The following SPON1 variants were observed in gnomAD, a reference collection of about 807,000 sequenced individuals.
The protein encoded by SPON1 is spondin-1.
A neutral mutation model predicts 111.7 loss-of-function variants in SPON1; 52 were observed. The ratio of observed to expected loss-of-function variants is 0.47; its 90% CI spans 0.37 to 0.59. SPON1 has a LOEUF of 0.59. SPON1 is among the 20% of genes least tolerant of loss of function. SPON1 has a pLI of 0.00. For missense variants in SPON1, 957 were observed against 1,068.5 expected (o/e 0.90, Z 1.46); for synonymous variants, 410 against 395.8 (o/e 1.04, Z -0.43).
intron 6 of SPON1, among the ~76,000 whole-genome samples, chr11:14,168,519 A>G (rs1424371326): frequency 6.6e-6 from 1 of 151,968 alleles, no homozygotes; most frequent in Non-Finnish European, 1.5e-5. Context: ...TATTTTTATT[A>G]TACTTTAAGT....
rs782251023 is a variant in SPON1, at chr11:14,255,727, C to T, written c.1173C>T (p.Asp391=). The T allele has an allele frequency of 1.1e-5, 17 of 1,613,784 alleles. No homozygotes were observed. In the Admixed American group the frequency reaches 2.7e-4, roughly 25 times the overall value. ...ACCATCCTCAGAGTCCTTTCTATGA[C>T]CCAGAGGGTGGGTCCATCACTCAAG... ...SLDHPQSPFY[D]PEGGSITQVA... The change falls in exon 9 of 16, where the codon GAC becomes GAT. Residue 391 remains aspartate (D), a synonymous_variant. Coordinates refer to ENST00000576479, the MANE Select transcript of SPON1 (RefSeq NM_006108.4).
chr11:14,000,737 C>T (rs190122379), intron 2 of SPON1, among the ~76,000 whole-genome samples: 3 of 152,230 alleles, frequency 2.0e-5, no homozygotes, highest in Admixed American at 1.3e-4. Context: ...CATGCACAGC[C>T]ACACACCCCC....
intron 3 of SPON1, among the ~76,000 whole-genome samples, chr11:14,055,788 C>T (rs1162644160): frequency 1.3e-5 from 2 of 152,102 alleles, no homozygotes; most frequent in Admixed American, 1.3e-4. Context: ...TGGGGAGTGC[C>T]CCAAAGTCCT....
At chr11:14,202,890 T>C (rs907142075) in intron 6 of SPON1, among the ~76,000 whole-genome samples, 2 of 152,190 alleles carry the variant, frequency 1.3e-5, no homozygotes, top group Admixed American at 6.5e-5. Flanking sequence ...CCCTGTTCTT[T>C]ACAGATTCAT....
At chr11:13,987,053 A>T (rs1312557969) in intron 2 of SPON1, among the ~76,000 whole-genome samples, 2 of 152,240 alleles carry the variant, frequency 1.3e-5, no homozygotes, top group Non-Finnish European at 2.9e-5. Context: ...TAGTATAATG[A>T]TTTATAATCC....
At chr11:14,116,112 G>T (rs1437158192) in intron 5 of SPON1, among the ~76,000 whole-genome samples, 5 of 151,982 alleles carry the variant, frequency 3.3e-5, no homozygotes, top group Non-Finnish European at 7.4e-5. Flanking sequence ...TTATTGACTT[G>T]TAGTAATTCT....
At chr11:14,035,611 GTTC>G (rs782197368) in intron 2 of SPON1, among the ~76,000 whole-genome samples, 1 of 134,536 alleles carries the variant, frequency 7.4e-6, no homozygotes, top group Non-Finnish European at 1.6e-5. Context: ...AGTACACTTA[GTTC>G]TTTTTTTTTT....
intron 5 of SPON1, among the ~76,000 whole-genome samples, chr11:14,100,401 CCTT>C (rs139438288): frequency 0.16 from 23,833 of 151,542 alleles, 1,955 homozygotes; most frequent in Middle Eastern, 0.21. Context: ...TTTTTAGACA[CCTT>C]CTTTTCTTTC....
Position 13,967,015 on chromosome 11 carries a change from C to G in SPON1, c.238+3873C>G, listed in dbSNP as rs146520282. On this transcript the variant is annotated intron_variant, in intron 1 of 15. Coordinates refer to ENST00000576479, the MANE Select transcript of SPON1 (RefSeq NM_006108.4). ...GATAAGATATTGTGTTAAGTTCTTC[C>G]GACTCATCTCACTTATTCCTTACAG... Among the ~76,000 whole-genome samples, 5 of 152,246 alleles carry G rather than the reference C, an allele frequency of 3.3e-5. No homozygotes were observed. In the East Asian group the frequency reaches 9.6e-4, roughly 29 times the overall value.
intron 15 of SPON1, among the ~76,000 whole-genome samples, chr11:14,264,938 T>C (rs781978896): frequency 3.3e-5 from 5 of 152,226 alleles, no homozygotes; most frequent in Admixed American, 1.3e-4. Context: ...AGTGGTTTAG[T>C]GTTCCTTATA....
intron 2 of SPON1, among the ~76,000 whole-genome samples, chr11:14,031,060 A>G (rs1176220693): frequency 1.3e-5 from 2 of 152,218 alleles, no homozygotes; most frequent in Non-Finnish European, 1.5e-5. Context: ...AGCAATATGG[A>G]TGCAGCTGGA....
intron 2 of SPON1, among the ~76,000 whole-genome samples, chr11:14,034,191 C>A (rs1197637275): frequency 6.6e-6 from 1 of 152,116 alleles, no homozygotes. Flanking sequence ...AATACATCAT[C>A]ATTGTTGAAA....
At chr11:14,080,307 C>T (rs2133832374) in intron 5 of SPON1, among the ~76,000 whole-genome samples, 1 of 151,970 alleles carries the variant, frequency 6.6e-6, no homozygotes, top group Non-Finnish European at 1.5e-5. Context: ...CGGCTCACTG[C>T]AACCTCCGCC....
At chr11:14,097,304 T>C (rs1371719348) in intron 5 of SPON1, among the ~76,000 whole-genome samples, 4 of 152,214 alleles carry the variant, frequency 2.6e-5, no homozygotes, top group African/African-American at 9.7e-5. Context: ...TCATGTTTCC[T>C]GGTTTAAAAA....
At chr11:14,096,787 C>A (rs1554923917) in intron 5 of SPON1, among the ~76,000 whole-genome samples, 1 of 152,214 alleles carries the variant, frequency 6.6e-6, no homozygotes, top group Non-Finnish European at 1.5e-5. Flanking sequence ...AAACTCACTT[C>A]TCTTGCCCCA....
intron 6 of SPON1, among the ~76,000 whole-genome samples, chr11:14,216,070 G>A (rs1418223941): frequency 1.3e-5 from 2 of 152,166 alleles, no homozygotes; most frequent in Non-Finnish European, 2.9e-5. Context: ...TCATCAAGGT[G>A]GTTAAGAATA....
At chr11:14,045,180 A>G (rs966873027) in intron 3 of SPON1, among the ~76,000 whole-genome samples, 10 of 152,206 alleles carry the variant, frequency 6.6e-5, no homozygotes, top group African/African-American at 1.4e-4. Flanking sequence ...TACTTGCTCA[A>G]TGGCACTTGG....
intron 6 of SPON1, among the ~76,000 whole-genome samples, chr11:14,231,575 G>T (rs1848803476): frequency 6.6e-6 from 1 of 152,066 alleles, no homozygotes; most frequent in African/African-American, 2.4e-5. Context: ...ACTGATTTTT[G>T]TAATGTTCTT....
intron 4 of SPON1, 28 bp downstream of exon 4, chr11:14,075,446 G>A (rs782131079): frequency 3.3e-6 from 5 of 1,496,276 alleles, no homozygotes; most frequent in Non-Finnish European, 4.5e-6. Flanking sequence ...GGGAGGGGGA[G>A]GGGCAGAGAC....
Sources: allele counts gnomAD v4.1 joint callset (sites outside exome capture counted in the v4.1 genomes callset), GRCh38; gene constraint gnomAD v4.1.1; transcripts MANE v1.5; gene names NCBI Gene and HGNC (gene_info 2026-07-23, HGNC 2026-07-21).